DCLK3: variants seen among roughly 807,000 people sequenced by gnomAD.
The protein encoded by DCLK3 is serine/threonine-protein kinase DCLK3.
A neutral mutation model predicts 46.4 loss-of-function variants in DCLK3; 30 were observed. The ratio of observed to expected loss-of-function variants is 0.65; its 90% CI spans 0.48 to 0.88. DCLK3 has a LOEUF of 0.88. Ranked by LOEUF, DCLK3 falls within the 40% of genes least tolerant of loss-of-function variation. The pLI, the probability that DCLK3 is intolerant of heterozygous loss-of-function variation, is 0.00. For synonymous variants in DCLK3, 401 were observed against 339.2 expected (o/e 1.18, Z -2.00); for missense variants, 846 against 907.1 (o/e 0.93, Z 0.87).
chr3:36,742,293 G>A lies in DCLK3; in HGVS notation c.83-3209C>T, dbSNP rs187325539. On this transcript the variant is annotated intron_variant, in intron 1 of 4. Coordinates refer to ENST00000636136, the MANE Select transcript of DCLK3 (RefSeq NM_001394672.2). Reference sequence around the variant, plus strand: ...GAGCTGGGTAGGGAGAAGAGGGGATGTGTTCTCTGGGATTTCTGTGCTCAG... The same window carrying A: ...GAGCTGGGTAGGGAGAAGAGGGGATATGTTCTCTGGGATTTCTGTGCTCAG... Among the ~76,000 whole-genome samples, 114 of 152,254 alleles carry A rather than the reference G, an allele frequency of 7.5e-4. 1 individual carries two copies. Among genetic ancestry groups the A allele is most frequent in the Admixed American group, 7.5e-3 (114 of 15,296 alleles).
At chr3:36,718,962 TGAC>T (rs1450379207) in intron 3 of DCLK3, among the ~76,000 whole-genome samples, 7 of 152,202 alleles carry the variant, frequency 4.6e-5, no homozygotes, top group Non-Finnish European at 1.0e-4. Context: ...TATTATACAA[TGAC>T]ATTTCCAACA....
chr3:36,726,053 G>T (rs1425297055), intron 2 of DCLK3, among the ~76,000 whole-genome samples: 1 of 152,122 alleles, frequency 6.6e-6, no homozygotes, highest in Non-Finnish European at 1.5e-5. Context: ...GGTAAGTGTG[G>T]CAAGTATTTA....
chr3:36,729,696 GGATTAA>G (rs1336526887), intron 2 of DCLK3: 2 of 152,118 alleles, frequency 1.3e-5, no homozygotes, highest in African/African-American at 4.8e-5. Context: ...GCTCCCTTAA[GGATTAA>G]GACATGGATA....
intron 1 of DCLK3, among the ~76,000 whole-genome samples, chr3:36,744,401 GAAC>G (rs1701376631): frequency 6.6e-6 from 1 of 152,220 alleles, no homozygotes; most frequent in Non-Finnish European, 1.5e-5. Flanking sequence ...CATTTCTGAA[GAAC>G]AACTCATAGA....
intron 2 of DCLK3, among the ~76,000 whole-genome samples, chr3:36,722,342 C>CAATTGAATATTATTATTAT (rs1701071161): frequency 6.6e-6 from 1 of 152,082 alleles, no homozygotes; most frequent in Non-Finnish European, 1.5e-5. Flanking sequence ...TTTTAAATAA[C>CAATTGAATATTATTATTAT]TAAAAGGGTA....
At chr3:36,758,082 G>A (rs905881564) in intron 1 of DCLK3, among the ~76,000 whole-genome samples, 2 of 152,066 alleles carry the variant, frequency 1.3e-5, no homozygotes, top group Non-Finnish European at 2.9e-5. Context: ...GAACCATAAA[G>A]CTGGTCATCT....
intron 1 of DCLK3, among the ~76,000 whole-genome samples, chr3:36,757,466 T>G (rs994765449): frequency 6.6e-6 from 1 of 151,482 alleles, no homozygotes; most frequent in Non-Finnish European, 1.5e-5. Context: ...TTTTTTCACC[T>G]CCTTTGAACA....
rs1273313698 is a variant in DCLK3, at chr3:36,738,023, C to T, written c.1144G>A (p.Glu382Lys). ...HRSSPRNPTQ[E>K]LRRPSKSMDK... ...ATGCTCTTGCTGGGTCTCCTCAGCT[C>T]TTGAGTGGGATTCCTGGGGCTGCTC... The change falls in exon 2 of 5, where the codon GAG becomes AAG. Residue 382 changes from glutamate (E) to lysine (K), a missense_variant. Coordinates refer to ENST00000636136, the MANE Select transcript of DCLK3 (RefSeq NM_001394672.2). 27 of 1,613,988 alleles carry T rather than the reference C, an allele frequency of 1.7e-5. No individual in the cohort carries two copies. Among genetic ancestry groups the T allele is most frequent in the Non-Finnish European group, 2.3e-5 (27 of 1,180,022 alleles).
At chr3:36,742,478 T>C (rs1044212200) in intron 1 of DCLK3, among the ~76,000 whole-genome samples, 1 of 152,156 alleles carries the variant, frequency 6.6e-6, no homozygotes, top group African/African-American at 2.4e-5. Context: ...CAGCTCAGCC[T>C]CCATCACACC....
rs540508555 is a variant in DCLK3 at position 36,724,617 on chromosome 3, T to C, written c.1960-2958A>G. Among the ~76,000 whole-genome samples the C allele has an allele frequency of 2.0e-5, 3 of 152,260 alleles. No homozygotes were observed. In the South Asian group the frequency reaches 6.2e-4, roughly 32 times the overall value. On this transcript the variant is annotated intron_variant, in intron 2 of 4. Transcript: ENST00000636136. ...TCACGAGATCTGACAGTTTCAAAAA[T>C]GGGAGTTTGCCTGCACAAGCTCTCT... is the stretch of plus-strand genomic sequence containing the variant.
At chr3:36,739,623 GGC>G (rs2125531895) in intron 1 of DCLK3, among the ~76,000 whole-genome samples, 1 of 152,254 alleles carries the variant, frequency 6.6e-6, no homozygotes, top group African/African-American at 2.4e-5. Flanking sequence ...ATGATTGTGA[GGC>G]TTCCCCAGCC....
Position 36,764,352 on chromosome 3 carries a change from GCGAGACGAGCAGC to G in DCLK3, c.-102_-90del, listed in dbSNP as rs1701566853. On this transcript the variant is annotated 5_prime_UTR_variant, in exon 1 of 5. Transcript: ENST00000636136. The surrounding 1 kb of genome is among the most constrained non-coding windows in gnomAD (Gnocchi z 4.9). ...GGTCGAGCAGGCGCGGGAAGGCGGG[GCGAGACGAGCAGC>G]CACGAGCCCGCGCCGACTCTCCCTC... 4.9e-6 allele frequency: 1 copy of G among 203,200 alleles called. No individual in the cohort carries two copies. The highest frequency in any genetic ancestry group is 2.4e-5 in the African/African-American group (1 of 42,446). 12.6% of individuals were successfully genotyped at this position (203,200 alleles called of 1,614,324 possible).
intron 1 of DCLK3, among the ~76,000 whole-genome samples, chr3:36,762,654 C>T (rs1701549973): frequency 6.6e-6 from 1 of 152,122 alleles, no homozygotes; most frequent in Non-Finnish European, 1.5e-5. Flanking sequence ...GTTCTGAGTC[C>T]CTACAAACAT....
At chr3:36,733,832 G>T (rs913936398) in intron 2 of DCLK3, among the ~76,000 whole-genome samples, 2 of 152,154 alleles carry the variant, frequency 1.3e-5, no homozygotes, top group Non-Finnish European at 2.9e-5. Context: ...ACAATTATCA[G>T]ATATAAATAT....
intron 1 of DCLK3, among the ~76,000 whole-genome samples, chr3:36,742,733 G>C (rs1701355814): frequency 6.6e-6 from 1 of 152,146 alleles, no homozygotes; most frequent in Non-Finnish European, 1.5e-5. Context: ...AAGTAGTCTA[G>C]AGCAAAATTT....
intron 1 of DCLK3, among the ~76,000 whole-genome samples, chr3:36,759,119 A>G (rs1382060623): frequency 6.6e-6 from 1 of 152,274 alleles, no homozygotes; most frequent in African/African-American, 2.4e-5. Context: ...AAGCAACACT[A>G]GGAATCTACA....
rs570521216 is a variant in DCLK3, at chr3:36,751,619, T to C, written c.83-12535A>G. 2.0e-5 allele frequency among the ~76,000 whole-genome samples: 3 copies of C among 152,372 alleles called. 1 individual carries two copies. The highest frequency in any genetic ancestry group is 4.1e-4 in the South Asian group (2 of 4,832). On this transcript the variant is annotated intron_variant, in intron 1 of 4. Coordinates refer to ENST00000636136, the MANE Select transcript of DCLK3 (RefSeq NM_001394672.2). ...AACACAGACTGTTGCCTTCAGAGGCTTTATAAGGATAAACCTTAGCAGCTT... is the reference window on the plus strand; with the variant it reads ...AACACAGACTGTTGCCTTCAGAGGCCTTATAAGGATAAACCTTAGCAGCTT...
At chr3:36,748,124 T>A (rs73824472) in intron 1 of DCLK3, among the ~76,000 whole-genome samples, 7 of 151,984 alleles carry the variant, frequency 4.6e-5, no homozygotes, top group African/African-American at 1.7e-4. Context: ...AGCTCAGCAG[T>A]GGGTTTATTT....
intron 4 of DCLK3, among the ~76,000 whole-genome samples, chr3:36,717,777 A>C (rs1701002994): frequency 6.6e-6 from 1 of 152,194 alleles, no homozygotes; most frequent in Non-Finnish European, 1.5e-5. Context: ...AATTGCCTTA[A>C]GGAAAAGTAC....
Sources: gnomAD v4.1 joint callset for allele counts (sites outside exome capture counted in the v4.1 genomes callset) on GRCh38, gnomAD v4.1.1 for gene constraint, Gnocchi (gnomAD v3.1) non-coding constraint, MANE v1.5 for transcripts, NCBI Gene and HGNC (gene_info 2026-07-23, HGNC 2026-07-21) for gene names.